The following CDK17 variants were observed in gnomAD, a reference collection of about 807,000 sequenced individuals.
CDK17 encodes cyclin-dependent kinase 17.
Under a neutral mutation model 77.6 loss-of-function variants are expected in CDK17, and 24 were observed. That is an observed-to-expected ratio of 0.31 (90% CI 0.22 to 0.44). The LOEUF is 0.44. CDK17 is among the 20% of genes least tolerant of loss of function. The probability of loss-of-function intolerance (pLI) is 1.00; values close to 1 mark genes in which losing one functional copy is unlikely to be tolerated. For synonymous variants in CDK17, 203 were observed against 210.4 expected, an observed-to-expected ratio of 0.96 and a Z score of 0.30; for missense variants, 429 against 622.5, an observed-to-expected ratio of 0.69 and a Z score of 3.31.
At chr12:96,335,663 TAACA>T (rs1453572969) in intron 1 of CDK17, among the ~76,000 whole-genome samples, 1 of 152,232 alleles carries the variant, frequency 6.6e-6, no homozygotes, top group Non-Finnish European at 1.5e-5. Flanking sequence ...CTTCACACTT[TAACA>T]TCTTTGAAAT....
At chr12:96,325,418 T>G (rs1015469515) in intron 2 of CDK17, among the ~76,000 whole-genome samples, 1 of 152,240 alleles carries the variant, frequency 6.6e-6, no homozygotes, top group Non-Finnish European at 1.5e-5. Flanking sequence ...AAGGACAGGT[T>G]GACAGGAGTT....
intron 1 of CDK17, among the ~76,000 whole-genome samples, chr12:96,385,965 T>G (rs1422224501): frequency 2.6e-5 from 4 of 151,510 alleles, no homozygotes; most frequent in Admixed American, 2.0e-4. Context: ...ACGCTCCAAG[T>G]AGAACAAAAA....
intron 1 of CDK17, among the ~76,000 whole-genome samples, chr12:96,364,098 T>C (rs950629590): frequency 6.6e-6 from 1 of 151,354 alleles, no homozygotes; most frequent in Non-Finnish European, 1.5e-5. Flanking sequence ...ATCAGTGGTT[T>C]CTTTATTTTT....
At chr12:96,299,060 C>T (rs1952457376) in intron 6 of CDK17, 77 bp from the exon 7 acceptor site, 1 of 667,218 alleles carries the variant, frequency 1.5e-6, no homozygotes, top group African/African-American at 1.9e-5. Context: ...ATAAAGAGCT[C>T]TACCTGAATT....
chr12:96,334,009 AG>A (rs1408811888), intron 2 of CDK17, among the ~76,000 whole-genome samples: 1 of 152,170 alleles, frequency 6.6e-6, no homozygotes, highest in African/African-American at 2.4e-5. Context: ...TTCTAGTGGA[AG>A]GGGTAAGGGT....
At chr12:96,300,090 T>TA (rs917858030) in intron 6 of CDK17, among the ~76,000 whole-genome samples, 13 of 152,036 alleles carry the variant, frequency 8.6e-5, no homozygotes, top group African/African-American at 2.9e-4. Flanking sequence ...TTCAAAGCTA[T>TA]AAAAAAAATT....
intron 1 of CDK17, among the ~76,000 whole-genome samples, chr12:96,360,389 C>T (rs114109362): frequency 5.3e-4 from 81 of 152,252 alleles, no homozygotes; most frequent in African/African-American, 1.9e-3. Flanking sequence ...GAGAATGAGG[C>T]ATATTCAATC....
At chr12:96,334,912 C>T (rs780836655) in intron 1 of CDK17, 47 bp from the exon 2 acceptor site, 1 of 798,558 alleles carries the variant, frequency 1.3e-6, no homozygotes, top group East Asian at 2.6e-5. Flanking sequence ...AATATTTTAC[C>T]ACTGAAGAAA....
At position 96,326,118 on chromosome 12, in the gene CDK17, CA is replaced by C. The variant is rs558845646; in HGVS notation, c.119-2007del. On this transcript the variant is annotated intron_variant, in intron 2 of 16. Coordinates refer to ENST00000261211, the MANE Select transcript of CDK17 (RefSeq NM_002595.5). ...ATTCAAATATTAAAAACAAATTATG[CA>C]AATCTTTTGCCTACAGACAACATTT... 3.9e-5 allele frequency among the ~76,000 whole-genome samples: 6 copies of C among 152,220 alleles called. No homozygotes were observed. In the East Asian group the frequency reaches 1.2e-3, roughly 29 times the overall value.
intron 13 of CDK17, 151 bp from the exon 14 acceptor site, chr12:96,283,796 T>C (rs889331496): frequency 5.5e-6 from 3 of 549,632 alleles, no homozygotes; most frequent in Non-Finnish European, 6.3e-6. Context: ...AAATCTGTTT[T>C]AGTCTTAAAA....
chr12:96,356,644 A>C (rs577691901), intron 1 of CDK17, among the ~76,000 whole-genome samples: 3 of 152,292 alleles, frequency 2.0e-5, no homozygotes, highest in African/African-American at 7.2e-5. Flanking sequence ...TGGAACCCCT[A>C]CATGAAATGA....
At chr12:96,368,924 T>C (rs1953644067) in intron 1 of CDK17, among the ~76,000 whole-genome samples, 1 of 150,284 alleles carries the variant, frequency 6.7e-6, no homozygotes, top group Non-Finnish European at 1.5e-5. Flanking sequence ...AATGTCATGA[T>C]AGTTGCTGGA....
At chr12:96,388,538 G>A (rs1183992631) in intron 1 of CDK17, among the ~76,000 whole-genome samples, 1 of 152,146 alleles carries the variant, frequency 6.6e-6, no homozygotes, top group East Asian at 1.9e-4. Context: ...AGCCAGAGAC[G>A]ATTTTCATTC....
At chr12:96,363,294 T>C (rs2137192906) in intron 1 of CDK17, among the ~76,000 whole-genome samples, 1 of 150,902 alleles carries the variant, frequency 6.6e-6, no homozygotes, top group South Asian at 2.1e-4. Flanking sequence ...CTACTAAAAA[T>C]ACAAAAATTA....
chr12:96,289,238 A>G lies in CDK17; in HGVS notation c.1047T>C (p.Val349=). 3 of 1,614,006 alleles carry G rather than the reference A, an allele frequency of 1.9e-6. No homozygotes were observed. The highest frequency in any genetic ancestry group is 2.5e-6 in the Non-Finnish European group (3 of 1,179,876). Residue 349 remains valine (V), a synonymous_variant, in exon 11 of 17, where the codon GTT becomes GTC. Coordinates refer to ENST00000261211, the MANE Select transcript of CDK17 (RefSeq NM_002595.5). ...CAGGTGGCCGGTACCATAGTGTGAC[A>G]ACTTCATTTGAGTAGGTCTTTGTGG... is the stretch of plus-strand genomic sequence containing the variant. ...SVPTKTYSNE[V]VTLWYRPPDV... is the part of the protein sequence containing the mutation.
At chr12:96,288,259 G>A (rs1952272328) in intron 11 of CDK17, among the ~76,000 whole-genome samples, 1 of 152,084 alleles carries the variant, frequency 6.6e-6, no homozygotes, top group Non-Finnish European at 1.5e-5. Flanking sequence ...GTTCAAGACA[G>A]CAACAGAAAT....
At chr12:96,337,364 G>A (rs1047828267) in intron 1 of CDK17, among the ~76,000 whole-genome samples, 1 of 152,126 alleles carries the variant, frequency 6.6e-6, no homozygotes, top group Non-Finnish European at 1.5e-5. Flanking sequence ...AACCAGCACA[G>A]AGTGTGTCTG....
At chr12:96,303,745 T>TACC (rs1368988555) in intron 5 of CDK17, among the ~76,000 whole-genome samples, 1 of 152,054 alleles carries the variant, frequency 6.6e-6, no homozygotes, top group Non-Finnish European at 1.5e-5. Flanking sequence ...TTGTAAGCAA[T>TACC]ACCAAGCCTT....
intron 1 of CDK17, among the ~76,000 whole-genome samples, chr12:96,372,407 A>G (rs1178229268): frequency 6.6e-6 from 1 of 152,150 alleles, no homozygotes; most frequent in Non-Finnish European, 1.5e-5. Context: ...CATTATCTTC[A>G]GAAAAGCTTT....
Sources: allele counts gnomAD v4.1 joint callset (sites outside exome capture counted in the v4.1 genomes callset), GRCh38; gene constraint gnomAD v4.1.1; transcripts MANE v1.5; gene names NCBI Gene and HGNC (gene_info 2026-07-23, HGNC 2026-07-21).